Variants in NKAIN3 observed in about 807,000 individuals in gnomAD.
NKAIN3 encodes the protein sodium/potassium transporting ATPase interacting 3, also known as sodium/potassium-transporting ATPase subunit beta-1-interacting protein 3.
In NKAIN3, 25 loss-of-function variants were observed where a neutral mutation model predicts 30.2. The ratio of observed to expected loss-of-function variants is 0.83; its 90% CI spans 0.60 to 1.16. The LOEUF is 1.16. NKAIN3 is among the 50% of genes most tolerant of loss of function. The pLI is 0.00. For missense variants in NKAIN3, 225 were observed against 254.1 expected (o/e 0.89, Z 0.78); for synonymous variants, 91 against 89.6 (o/e 1.02, Z -0.09).
chr8:62,885,728 G>A (rs989949052), intron 4 of NKAIN3, among the ~76,000 whole-genome samples: 3 of 152,178 alleles, frequency 2.0e-5, no homozygotes, highest in Non-Finnish European at 4.4e-5. Context: ...TTGTGATTAT[G>A]TAATGTCGAA....
At chr8:62,588,427 G>A (rs1810545929) in intron 2 of NKAIN3, among the ~76,000 whole-genome samples, 2 of 151,662 alleles carry the variant, frequency 1.3e-5, no homozygotes, top group South Asian at 4.1e-4. Context: ...AAAAATGAAA[G>A]CAAACCTCCT....
intron 1 of NKAIN3, among the ~76,000 whole-genome samples, chr8:62,428,378 C>T (rs1804884509): frequency 6.6e-6 from 1 of 151,924 alleles, no homozygotes; most frequent in South Asian, 2.1e-4. Context: ...ATTGCTAGCT[C>T]ATATGGTAGT....
chr8:62,502,534 C>CTCGTT (rs1807490089), intron 1 of NKAIN3, among the ~76,000 whole-genome samples: 2 of 99,610 alleles, frequency 2.0e-5, no homozygotes, highest in South Asian at 9.4e-4. Flanking sequence ...CTTCTCCTTC[C>CTCGTT]TCCTTTCCTT....
chr8:62,829,552 T>G (rs1819129040), intron 4 of NKAIN3, among the ~76,000 whole-genome samples: 1 of 152,108 alleles, frequency 6.6e-6, no homozygotes, highest in African/African-American at 2.4e-5. Context: ...TAAATGGGCA[T>G]GAAAAGTAAG....
intron 5 of NKAIN3, among the ~76,000 whole-genome samples, chr8:62,998,315 G>A (rs192265378): frequency 6.9e-4 from 105 of 151,090 alleles, no homozygotes; most frequent in African/African-American, 2.4e-3. Context: ...TCACTGTGTC[G>A]CCCAGGCTGG....
intron 1 of NKAIN3, among the ~76,000 whole-genome samples, chr8:62,323,725 G>A (rs1815018845): frequency 6.6e-6 from 1 of 152,060 alleles, no homozygotes; most frequent in African/African-American, 2.4e-5. Flanking sequence ...TTCAGTAGGT[G>A]AATGAATCAA....
chr8:62,305,420 A>G (rs1814198684), intron 1 of NKAIN3, among the ~76,000 whole-genome samples: 1 of 150,572 alleles, frequency 6.6e-6, no homozygotes, highest in Admixed American at 6.6e-5. Context: ...CAACCTTAAC[A>G]ACTCATCTTG....
At position 62,983,816 on chromosome 8, in the gene NKAIN3, C is replaced by T. The variant is rs540504939; in HGVS notation, c.*18409C>T. The T allele has an allele frequency of 3.3e-5, 5 of 152,276 alleles. No individual in the cohort carries two copies. In the South Asian group the frequency reaches 6.2e-4, roughly 19 times the overall value. The allele number at this position is 152,276 out of a possible 1,614,324, so 9.4% of individuals were successfully genotyped here. A position where few individuals can be genotyped will look rare whatever the true frequency, so the allele number is the denominator to read the frequency against. ...CTCTGAATTTGCATTAAAAAGAGCA[C>T]GTCTACAGCTCCTAACAATCAAAAA... On this transcript the variant is annotated 3_prime_UTR_variant, in exon 7 of 7. Coordinates refer to ENST00000623646, the MANE Select transcript of NKAIN3 (RefSeq NM_001304533.3).
intron 4 of NKAIN3, among the ~76,000 whole-genome samples, chr8:62,837,690 T>C (rs1161087926): frequency 6.6e-6 from 1 of 152,178 alleles, no homozygotes; most frequent in South Asian, 2.1e-4. Flanking sequence ...TGAGATGCAA[T>C]GTCAAATAAT....
intron 4 of NKAIN3, among the ~76,000 whole-genome samples, chr8:62,876,965 A>C (rs896684881): frequency 2.0e-5 from 3 of 151,870 alleles, no homozygotes; most frequent in African/African-American, 7.3e-5. Context: ...TTTCAATAAA[A>C]GTTTGGGGTT....
chr8:62,727,949 A>G (rs1815313265), intron 3 of NKAIN3, among the ~76,000 whole-genome samples: 1 of 152,234 alleles, frequency 6.6e-6, no homozygotes, highest in African/African-American at 2.4e-5. Context: ...TTTCACTGAC[A>G]TAATCTTTGC....
At chr8:62,995,676 G>C (rs1804095618) in intron 5 of NKAIN3, among the ~76,000 whole-genome samples, 1 of 145,224 alleles carries the variant, frequency 6.9e-6, no homozygotes, top group Non-Finnish European at 1.5e-5. Flanking sequence ...AGGAAAAAAG[G>C]CTAGATGACA....
At position 62,667,527 on chromosome 8, in the gene NKAIN3, G is replaced by T. The variant is rs1813163859; in HGVS notation, c.273+77733G>T. On this transcript the variant is annotated intron_variant, in intron 3 of 6. Coordinates refer to ENST00000623646, the MANE Select transcript of NKAIN3 (RefSeq NM_001304533.3). ...TTCTTTTCTTATCTTCACATCCTAT[G>T]CCCAGTTCATCCTCGATTCAAGACA... Among the ~76,000 whole-genome samples, 3 of 151,310 alleles carry T rather than the reference G, an allele frequency of 2.0e-5. No homozygotes were observed. In the South Asian group the frequency reaches 6.3e-4, roughly 32 times the overall value.
Position 62,256,129 on chromosome 8 carries a change from G to A in NKAIN3, c.54+7002G>A, listed in dbSNP as rs973800439. Among the ~76,000 whole-genome samples the A allele has an allele frequency of 1.2e-4, 18 of 152,106 alleles. No homozygotes were observed. In the Middle Eastern group the frequency reaches 0.01, roughly 86 times the overall value. Reference sequence around the variant, plus strand: ...TCCTTAGTTTTTAAGATTTTAGGACGGATACTGGGTGTGGTGCCTCATGCC... The same window carrying A: ...TCCTTAGTTTTTAAGATTTTAGGACAGATACTGGGTGTGGTGCCTCATGCC... On this transcript the variant is annotated intron_variant, in intron 1 of 6. Coordinates refer to ENST00000623646, the MANE Select transcript of NKAIN3 (RefSeq NM_001304533.3).
intron 4 of NKAIN3, among the ~76,000 whole-genome samples, chr8:62,768,584 A>C (rs1185113628): frequency 2.6e-5 from 4 of 152,116 alleles, no homozygotes. Context: ...ACGGGAAATG[A>C]ATGTGGACTT....
chr8:62,378,949 G>T (rs956239002), intron 1 of NKAIN3, among the ~76,000 whole-genome samples: 1 of 152,182 alleles, frequency 6.6e-6, no homozygotes, highest in Non-Finnish European at 1.5e-5. Context: ...CCTTGTGCCT[G>T]GAAAAGCCCC....
intron 4 of NKAIN3, among the ~76,000 whole-genome samples, chr8:62,912,576 T>G (rs766245482): frequency 2.0e-5 from 3 of 152,178 alleles, no homozygotes; most frequent in Non-Finnish European, 4.4e-5. Context: ...ATAAGCCCTT[T>G]TCTATTAATT....
intron 4 of NKAIN3, among the ~76,000 whole-genome samples, chr8:62,762,316 CAA>C (rs11344224): frequency 2.1e-4 from 30 of 143,430 alleles, no homozygotes; most frequent in East Asian, 4.1e-4. Flanking sequence ...AACTCTGTCT[CAA>C]AAAAAAAAAA....
intron 1 of NKAIN3, among the ~76,000 whole-genome samples, chr8:62,345,297 A>G (rs910383674): frequency 3.0e-5 from 4 of 134,714 alleles, no homozygotes; most frequent in Non-Finnish European, 6.4e-5. Context: ...ATATACACAC[A>G]TATATATGTA....
Sources: gnomAD v4.1 joint callset for allele counts (sites outside exome capture counted in the v4.1 genomes callset) on GRCh38, gnomAD v4.1.1 for gene constraint, MANE v1.5 for transcripts, NCBI Gene and HGNC (gene_info 2026-07-23, HGNC 2026-07-21) for gene names.